The following NBAS variants were observed in gnomAD, a reference collection of about 807,000 sequenced individuals.
The protein encoded by NBAS is NBAS subunit of NRZ tethering complex, also known as NAG/BC035112 fusion.
NBAS carries 219 observed loss-of-function variants against 302.5 expected under a neutral mutation model. The observed-to-expected ratio is 0.72, with a 90% CI of 0.65 to 0.81. NBAS has a LOEUF of 0.81. Ranked by LOEUF, NBAS falls within the 30% of genes least tolerant of loss-of-function variation. NBAS has a pLI of 0.00. For synonymous variants in NBAS, 1,118 were observed against 1,021.6 expected (o/e 1.09, Z -1.80); for missense variants, 2,932 against 2,841.6 (o/e 1.03, Z -0.72).
At chr2:14,821,614 G>A in the NBAS span, among the ~76,000 whole-genome samples, 2 of 152,158 alleles carry the variant, frequency 1.3e-5, no homozygotes, top group African/African-American at 2.4e-5. Context: ...ACAAGGAGAG[G>A]ATTCAGTCAT....
At chr2:15,094,687 CTG>C in the NBAS span, among the ~76,000 whole-genome samples, 1 of 152,332 alleles carries the variant, frequency 6.6e-6, no homozygotes, top group South Asian at 2.1e-4. Context: ...GGCTACAAGA[CTG>C]TGCCCAGCTT....
chr2:15,437,647 G>C (rs1165623430), intron 21 of NBAS, among the ~76,000 whole-genome samples: 1 of 152,108 alleles, frequency 6.6e-6, no homozygotes, highest in African/African-American at 2.4e-5. Flanking sequence ...AGGTAGAGAA[G>C]GGAAACAAAA....
intron 48 of NBAS, among the ~76,000 whole-genome samples, chr2:15,216,278 A>G (rs1283490845): frequency 2.0e-5 from 3 of 152,218 alleles, no homozygotes; most frequent in Non-Finnish European, 4.4e-5. Context: ...ATGCTCTTAC[A>G]TAAGGGGAAA....
At chr2:15,338,472 T>C (rs1477967413) in intron 35 of NBAS, among the ~76,000 whole-genome samples, 1 of 152,112 alleles carries the variant, frequency 6.6e-6, no homozygotes, top group Non-Finnish European at 1.5e-5. Context: ...GAACAAGCAA[T>C]AGAAAAATAC....
At chr2:15,030,227 C>G in the NBAS span, among the ~76,000 whole-genome samples, 2 of 152,018 alleles carry the variant, frequency 1.3e-5, no homozygotes, top group Non-Finnish European at 1.5e-5. Flanking sequence ...ACAGGAGGGC[C>G]TAGCAATGAA....
the NBAS span, among the ~76,000 whole-genome samples, chr2:14,919,653 C>G: frequency 6.6e-6 from 1 of 152,146 alleles, no homozygotes; most frequent in Non-Finnish European, 1.5e-5. Context: ...ACGTAATAAT[C>G]TAAATCCTTT....
At chr2:14,785,595 T>G in the NBAS span, among the ~76,000 whole-genome samples, 1 of 152,236 alleles carries the variant, frequency 6.6e-6, no homozygotes, top group African/African-American at 2.4e-5. Context: ...TTTTTGTCTT[T>G]GGTTCTGTTT....
intron 11 of NBAS, among the ~76,000 whole-genome samples, chr2:15,492,475 G>T (rs905185958): frequency 6.7e-6 from 1 of 149,756 alleles, no homozygotes; most frequent in Admixed American, 6.6e-5. Context: ...ATTTATTTCT[G>T]AGACAGGATC....
At chr2:15,437,470 C>T (rs1678086869) in intron 21 of NBAS, among the ~76,000 whole-genome samples, 1 of 152,170 alleles carries the variant, frequency 6.6e-6, no homozygotes, top group South Asian at 2.1e-4. Context: ...ACACTGCAGA[C>T]AGGCATAAAA....
At chr2:15,045,516 G>GT in the NBAS span, among the ~76,000 whole-genome samples, 12 of 151,852 alleles carry the variant, frequency 7.9e-5, no homozygotes, top group East Asian at 9.7e-4. Context: ...GTTTTGTTTT[G>GT]TTTTTTTAAT....
At chr2:15,488,099 T>C (rs17391264) in intron 12 of NBAS, among the ~76,000 whole-genome samples, 7,831 of 152,214 alleles carry the variant, frequency 0.051, 274 homozygotes, top group Non-Finnish European at 0.076. Flanking sequence ...ATTCAGGAAA[T>C]AGGCTCTAAT....
At chr2:15,079,489 G>A in the NBAS span, among the ~76,000 whole-genome samples, 1 of 152,020 alleles carries the variant, frequency 6.6e-6, no homozygotes, top group Non-Finnish European at 1.5e-5. Flanking sequence ...GATCTGCCAG[G>A]GCCACCTTTC....
At chr2:15,344,260 C>T (rs764728793) in intron 35 of NBAS, among the ~76,000 whole-genome samples, 24 of 151,574 alleles carry the variant, frequency 1.6e-4, no homozygotes, top group Non-Finnish European at 2.7e-4. Context: ...AAATAGACTG[C>T]TAGCTGAAAG....
the NBAS span, among the ~76,000 whole-genome samples, chr2:15,034,026 A>AGAAGAAGAAGAAGAAGAAG: frequency 4.0e-5 from 2 of 50,082 alleles, no homozygotes; most frequent in Non-Finnish European, 7.2e-5. Flanking sequence ...AAGAAGAAGA[A>AGAAGAAGAAGAAGAAGAAG]GAGGAGGAGG....
Position 15,276,960 on chromosome 2 carries a change from C to G in NBAS, c.5280G>C (p.Gln1760His), listed in dbSNP as rs1363724262. ...TIGGFDHERLQYYFTLLENCG... is the reference protein window; with the variant it reads ...TIGGFDHERLHYYFTLLENCG... ...AGTTTTCCAGAAGAGTGAAATAATACTGCAGCCTTTCGTGATCAAAGCCAC... is the reference window on the plus strand; with the variant it reads ...AGTTTTCCAGAAGAGTGAAATAATAGTGCAGCCTTTCGTGATCAAAGCCAC... Residue 1760 changes from glutamine (Q) to histidine (H), a missense_variant, in exon 43 of 52, where the codon CAG becomes CAC. Coordinates refer to ENST00000281513, the MANE Select transcript of NBAS (RefSeq NM_015909.4). 6.2e-7 allele frequency: 1 copy of G among 1,613,930 alleles called. No homozygotes were observed. The highest frequency in any genetic ancestry group is 8.5e-7 in the Non-Finnish European group (1 of 1,179,980).
At chr2:15,108,260 T>C in the NBAS span, among the ~76,000 whole-genome samples, 1 of 152,144 alleles carries the variant, frequency 6.6e-6, no homozygotes, top group East Asian at 1.9e-4. Context: ...GCTGGGCACT[T>C]TTAATTTACC....
rs986891635 is a variant in NBAS at position 15,407,966 on chromosome 2, T to C, written c.2938-5665A>G. 2.0e-5 allele frequency among the ~76,000 whole-genome samples: 3 copies of C among 152,288 alleles called. No homozygotes were observed. In the East Asian group the frequency reaches 5.8e-4, roughly 29 times the overall value. The stretch of plus-strand genomic sequence containing the variant: ...CCCACACTACTTGTCTCAAGGCCCC[T>C]TTCTCTATCTTCAAAGACAGCAACA... On this transcript the variant is annotated intron_variant, in intron 25 of 51. Transcript: ENST00000281513.
At chr2:14,981,600 A>G in the NBAS span, among the ~76,000 whole-genome samples, 3 of 152,172 alleles carry the variant, frequency 2.0e-5, no homozygotes, top group African/African-American at 4.8e-5. Flanking sequence ...CCCTCTTTGT[A>G]TCTGGGCTTG....
chr2:14,839,967 G>A, the NBAS span, among the ~76,000 whole-genome samples: 1 of 151,994 alleles, frequency 6.6e-6, no homozygotes, highest in Non-Finnish European at 1.5e-5. Flanking sequence ...ATGAGACAGT[G>A]AATGTAAGCT....
Sources: allele counts gnomAD v4.1 joint callset (sites outside exome capture counted in the v4.1 genomes callset), GRCh38; gene constraint gnomAD v4.1.1; transcripts MANE v1.5; gene names NCBI Gene and HGNC (gene_info 2026-07-23, HGNC 2026-07-21).